JAKMIP3: variants seen among roughly 807,000 people sequenced by gnomAD.
JAKMIP3 encodes janus kinase and microtubule-interacting protein 3.
JAKMIP3 carries 58 observed loss-of-function variants against 118.5 expected under a neutral mutation model. The observed-to-expected ratio is 0.49, with a 90% confidence interval of 0.40 to 0.61. The LOEUF (loss-of-function observed/expected upper bound fraction) is 0.61. JAKMIP3 is among the 20% of genes least tolerant of loss of function. JAKMIP3 has a pLI of 0.00. For missense variants in JAKMIP3, 950 were observed against 1,109.0 expected (o/e 0.86, Z 2.04); for synonymous variants, 486 against 451.2 (o/e 1.08, Z -0.98).
intron 11 of JAKMIP3, 38 bp downstream of exon 11, chr10:132,142,086 G>A (rs1030299219): frequency 1.0e-5 from 16 of 1,563,722 alleles, no homozygotes; most frequent in Admixed American, 3.6e-5. Context: ...GGCCCCCCTC[G>A]TGCCTTCCCG....
At chr10:132,105,085 T>A (rs1426260530) in intron 2 of JAKMIP3, 142 bp downstream of exon 2, 1 of 983,074 alleles carries the variant, frequency 1.0e-6, no homozygotes, top group Non-Finnish European at 1.5e-6. Context: ...GACAGACCAC[T>A]TGGTGGGGGG....
intron 1 of JAKMIP3, among the ~76,000 whole-genome samples, chr10:132,096,506 T>A (rs958728682): frequency 3.9e-5 from 6 of 152,216 alleles, no homozygotes; most frequent in Non-Finnish European, 8.8e-5. Flanking sequence ...AATATCTGAC[T>A]TCCACCCCAG....
intron 1 of JAKMIP3, among the ~76,000 whole-genome samples, chr10:132,057,301 C>A (rs1231217171): frequency 6.6e-6 from 1 of 152,196 alleles, no homozygotes; most frequent in Non-Finnish European, 1.5e-5. Context: ...GACTTCCTGG[C>A]TTCAGACCCA....
In JAKMIP3 at chr10:132,095,380, AG is replaced by A. The variant is rs2043705864; in HGVS notation, c.-137-9291del. ...AGAGATGGCTTCCTAGGGAACCAAG[AG>A]AGCCCACAGGGCTTTTCCCACTGCT... On this transcript the variant is annotated intron_variant, in intron 1 of 23. Transcript: ENST00000684848. Among the ~76,000 whole-genome samples, 5 of 152,332 alleles carry A rather than the reference AG, an allele frequency of 3.3e-5. No individual in the cohort carries two copies. In the South Asian group the frequency reaches 8.3e-4, roughly 25 times the overall value.
chr10:132,172,032 C>T (rs2059541723), intron 23 of JAKMIP3, among the ~76,000 whole-genome samples: 1 of 152,200 alleles, frequency 6.6e-6, no homozygotes, highest in Non-Finnish European at 1.5e-5. Flanking sequence ...CTCCAGGTTT[C>T]CTCCTGGCAA....
At chr10:132,137,334 G>T (rs370611875) in intron 8 of JAKMIP3, 45 bp downstream of exon 8, 3 of 1,611,368 alleles carry the variant, frequency 1.9e-6, no homozygotes, top group Non-Finnish European at 2.5e-6. Context: ...CGCTCCCCAC[G>T]CAGTTGCCCG....
intron 6 of JAKMIP3, 60 bp downstream of exon 6, chr10:132,136,136 C>G: frequency 6.4e-7 from 1 of 1,562,320 alleles, no homozygotes; most frequent in Non-Finnish European, 8.8e-7. Context: ...GCAGCATCTC[C>G]TCCCTTCTCC....
At chr10:132,088,755 T>C (rs1487553803) in intron 1 of JAKMIP3, among the ~76,000 whole-genome samples, 3 of 152,194 alleles carry the variant, frequency 2.0e-5, no homozygotes, top group African/African-American at 7.2e-5. Flanking sequence ...CCATTGCTTT[T>C]GGTGTTTTAG....
rs1565020218 is a variant in JAKMIP3 at position 132,180,668 on chromosome 10, TG to T, written c.*1104-1688del. ...GTGCGTGTGCGTGTGCGTGTGTGCG[TG>T]TGTGTGCGCGCGCGTGTGTGTGCGT... On this transcript the variant is annotated intron_variant, in intron 23 of 23. Coordinates refer to ENST00000684848, the MANE Select transcript of JAKMIP3 (RefSeq NM_001323087.2). Among the ~76,000 whole-genome samples, 20 of 28,046 alleles carry T rather than the reference TG, an allele frequency of 7.1e-4. 3 individuals are homozygous for T. The highest frequency in any genetic ancestry group is 2.2e-3 in the African/African-American group (19 of 8,654). The allele number at this position is 28,046 out of a possible 152,430, so 18.4% of individuals were successfully genotyped here. A position where few individuals can be genotyped will look rare whatever the true frequency, so the allele number is the denominator to read the frequency against.
At chr10:132,157,655 T>G (rs2057256570) in intron 19 of JAKMIP3, among the ~76,000 whole-genome samples, 1 of 152,208 alleles carries the variant, frequency 6.6e-6, no homozygotes, top group Admixed American at 6.5e-5. Flanking sequence ...GCTCAAAGTC[T>G]AACATGTTTC....
Position 132,085,563 on chromosome 10 carries a change from C to T in JAKMIP3, c.-137-19109C>T, listed in dbSNP as rs188272249. On this transcript the variant is annotated intron_variant, in intron 1 of 23. Transcript: ENST00000684848. ...TCACCCAGGCTGGAGTGCAGTGGTG[C>T]GATCTTGGCTCACTGCAACCTCCGC... 3.3e-3 allele frequency among the ~76,000 whole-genome samples: 499 copies of T among 150,194 alleles called. 14 individuals carry two copies. In the East Asian group the frequency reaches 0.062, roughly 19 times the overall value.
intron 16 of JAKMIP3, among the ~76,000 whole-genome samples, chr10:132,150,615 CATCT>C (rs1039613571): frequency 1.3e-4 from 20 of 152,160 alleles, no homozygotes; most frequent in Non-Finnish European, 1.9e-4. Context: ...TATATCCATC[CATCT>C]ATCTATCCTG....
intron 23 of JAKMIP3, among the ~76,000 whole-genome samples, chr10:132,177,296 G>A (rs1289718355): frequency 6.6e-6 from 1 of 152,278 alleles, no homozygotes. Flanking sequence ...AGGCCTGTGA[G>A]AACAGCTGCC....
At chr10:132,131,645 C>T (rs903021223) in intron 3 of JAKMIP3, among the ~76,000 whole-genome samples, 15 of 151,974 alleles carry the variant, frequency 9.9e-5, no homozygotes, top group African/African-American at 2.4e-4. Flanking sequence ...ACAGGGCGGC[C>T]GTTTGGAAGC....
chr10:132,180,072 G>A (rs2060584882), intron 23 of JAKMIP3, among the ~76,000 whole-genome samples: 1 of 152,196 alleles, frequency 6.6e-6, no homozygotes, highest in South Asian at 2.1e-4. Context: ...AACATGCCAG[G>A]CCCTCAAAAG....
Position 132,124,244 on chromosome 10 carries a change from C to A in JAKMIP3, c.633+6670C>A, listed in dbSNP as rs568711819. ...TTTGCCCGCCCCGGTGCGTCACAGCCGAGCCGGCCACATCACCTACATCCA... is the reference window on the plus strand; with the variant it reads ...TTTGCCCGCCCCGGTGCGTCACAGCAGAGCCGGCCACATCACCTACATCCA... On this transcript the variant is annotated intron_variant, in intron 3 of 23. Coordinates refer to ENST00000684848, the MANE Select transcript of JAKMIP3 (RefSeq NM_001323087.2). Among the ~76,000 whole-genome samples, 4 of 152,358 alleles carry A rather than the reference C, an allele frequency of 2.6e-5. No individual in the cohort carries two copies. The South Asian group carries it at 8.3e-4, about 32-fold the overall frequency.
At chr10:132,064,454 G>T (rs552968796), upstream of JAKMIP3, among the ~76,000 whole-genome samples, 2 of 152,258 alleles carry the variant, frequency 1.3e-5, no homozygotes, top group African/African-American at 4.8e-5. This position sits in a 1 kb window ranked among gnomAD's most constrained non-coding sequence, Gnocchi z 4.4. Flanking sequence ...CGCCGGCATG[G>T]GAACCCTCTT....
intron 23 of JAKMIP3, among the ~76,000 whole-genome samples, chr10:132,177,522 G>GTC (rs1590049044): frequency 1.8e-4 from 1 of 5,604 alleles, no homozygotes; most frequent in East Asian, 0.045. Flanking sequence ...GCCCTGGGTA[G>GTC]TGTGTGTGTG....
intron 1 of JAKMIP3, among the ~76,000 whole-genome samples, chr10:132,038,822 A>G (rs1316548988): frequency 1.3e-5 from 2 of 150,686 alleles, no homozygotes; most frequent in African/African-American, 2.4e-5. Context: ...CATCATAAAC[A>G]TACTTGCTGC....
Sources: allele counts gnomAD v4.1 joint callset (sites outside exome capture counted in the v4.1 genomes callset), GRCh38; gene constraint gnomAD v4.1.1; non-coding constraint Gnocchi (gnomAD v3.1); transcripts MANE v1.5; gene names NCBI Gene and HGNC (gene_info 2026-07-23, HGNC 2026-07-21).